The following PRDX3 variants were observed in gnomAD, a reference collection of about 807,000 sequenced individuals.
The protein encoded by PRDX3 is thioredoxin-dependent peroxide reductase, mitochondrial.
Under a neutral mutation model 30.4 loss-of-function variants are expected in PRDX3, and 20 were observed. That is an observed-to-expected ratio of 0.66 (90% CI 0.46 to 0.96). PRDX3 has a LOEUF of 0.96. Ranked by LOEUF, PRDX3 falls within the 40% of genes least tolerant of loss-of-function variation. The probability of loss-of-function intolerance (pLI) is 0.00; values close to 1 mark genes in which losing one functional copy is unlikely to be tolerated. For missense variants in PRDX3, 322 were observed against 318.3 expected, an observed-to-expected ratio of 1.01 and a Z score of -0.09; for synonymous variants, 124 against 117.8, an observed-to-expected ratio of 1.05 and a Z score of -0.34.
At chr10:119,178,164 G>C (rs909059569) in intron 1 of PRDX3, among the ~76,000 whole-genome samples, 5 of 152,054 alleles carry the variant, frequency 3.3e-5, no homozygotes, top group African/African-American at 4.8e-5. Context: ...CACTCTGCCG[G>C]TTTGCTCAAC....
chr10:119,174,631 G>C lies in PRDX3; in HGVS notation c.170-39C>G, dbSNP rs750812234. ...CACACTCATATGGAGTTCATCATTTGCTATGTCAAGCACCTATGATTTTAT... is the reference window on the plus strand; with the variant it reads ...CACACTCATATGGAGTTCATCATTTCCTATGTCAAGCACCTATGATTTTAT... On this transcript the variant is annotated intron_variant, in intron 2 of 6. Coordinates refer to ENST00000298510, the MANE Select transcript of PRDX3 (RefSeq NM_006793.5). The C allele has an allele frequency of 5.9e-6, 9 of 1,530,878 alleles. No homozygotes were observed. In the African/African-American group the frequency reaches 7.0e-5, roughly 12 times the overall value. 94.8% of individuals were successfully genotyped at this position (1,530,878 alleles called of 1,614,324 possible).
chr10:119,168,578 A>G (rs781138409), intron 6 of PRDX3, 45 bp from the exon 7 acceptor site: 5 of 1,607,666 alleles, frequency 3.1e-6, no homozygotes, highest in African/African-American at 2.7e-5. Flanking sequence ...CTTTACCATA[A>G]TAATAGTCCC....
chr10:119,177,304 T>G (rs1033756130), intron 1 of PRDX3, 151 bp from the exon 2 acceptor site: 18 of 713,394 alleles, frequency 2.5e-5, no homozygotes, highest in Middle Eastern at 3.9e-4. Context: ...GATCTGCATG[T>G]TCTTAACACT....
At chr10:119,178,114 C>T (rs1031613025) in intron 1 of PRDX3, among the ~76,000 whole-genome samples, 7 of 151,960 alleles carry the variant, frequency 4.6e-5, no homozygotes, top group Non-Finnish European at 1.0e-4. Flanking sequence ...CTGCCCGCCT[C>T]GGCCTCCCAA....
chr10:119,176,172 A>G (rs1848021417), intron 2 of PRDX3, among the ~76,000 whole-genome samples: 1 of 152,136 alleles, frequency 6.6e-6, no homozygotes. Context: ...TCAAAACTGA[A>G]AAGGACTTGC....
At chr10:119,178,575 G>A (rs764654675) in intron 1 of PRDX3, among the ~76,000 whole-genome samples, 180 bp downstream of exon 1, 27 of 152,264 alleles carry the variant, frequency 1.8e-4, no homozygotes, top group South Asian at 4.1e-4. Context: ...AGTGGGGAAG[G>A]GCGGTTCTGC....
At chr10:119,177,618 T>C (rs1344574856) in intron 1 of PRDX3, among the ~76,000 whole-genome samples, 16 of 146,394 alleles carry the variant, frequency 1.1e-4, no homozygotes, top group African/African-American at 2.6e-5. Context: ...GATCGCGCCA[T>C]TGCACTCTAA....
intron 5 of PRDX3, chr10:119,169,728 C>T (rs938038658): frequency 1.3e-5 from 2 of 156,834 alleles, no homozygotes; most frequent in Non-Finnish European, 2.8e-5. Context: ...TGGGAAGAGA[C>T]AGAGGTGTAT....
At chr10:119,169,391 AAC>A in intron 5 of PRDX3, 49 bp from the exon 6 acceptor site, 1 of 1,494,716 alleles carries the variant, frequency 6.7e-7, no homozygotes, top group Non-Finnish European at 9.2e-7. Flanking sequence ...CCAGAACTAG[AAC>A]AGTCTAACTT....
intron 2 of PRDX3, among the ~76,000 whole-genome samples, chr10:119,175,372 T>C (rs970700410): frequency 1.5e-4 from 23 of 152,156 alleles, no homozygotes; most frequent in Admixed American, 6.5e-5. Flanking sequence ...CCTTAAATAC[T>C]AGGCTGCTGG....
At chr10:119,175,973 G>A (rs188587867) in intron 2 of PRDX3, among the ~76,000 whole-genome samples, 4 of 151,592 alleles carry the variant, frequency 2.6e-5, no homozygotes, top group Non-Finnish European at 5.9e-5. Context: ...TAGTAGAGAC[G>A]GGATTTCACC....
At chr10:119,173,972 G>A (rs1362890717) in intron 3 of PRDX3, 100 bp from the exon 4 acceptor site, 1 of 1,261,894 alleles carries the variant, frequency 7.9e-7, no homozygotes, top group Non-Finnish European at 1.1e-6. Flanking sequence ...GGGTAAAAAA[G>A]GCAAAATGGT....
At position 119,178,803 on chromosome 10, in the gene PRDX3, C is replaced by G. The variant is rs1330736220; in HGVS notation, c.-13G>C. On this transcript the variant is annotated 5_prime_UTR_variant, in exon 1 of 7. Coordinates refer to ENST00000298510, the MANE Select transcript of PRDX3 (RefSeq NM_006793.5). ...CAGCAGCCGCCATCTTCAGTGCACT[C>G]GGGCGCCACGGGGCGGGCAGAGACG... is the stretch of plus-strand genomic sequence containing the variant. The G allele has an allele frequency of 6.5e-6, 10 of 1,528,750 alleles. No individual in the cohort carries two copies. In the Admixed American group the frequency reaches 1.4e-4, roughly 21 times the overall value. The allele number at this position is 1,528,750 out of a possible 1,614,324, so 94.7% of individuals were successfully genotyped here.
intron 5 of PRDX3, chr10:119,169,578 C>A (rs528621754): frequency 3.8e-5 from 15 of 399,088 alleles, no homozygotes; most frequent in African/African-American, 3.0e-4. Context: ...AGTATGGTCA[C>A]ACTTACAAGT....
At chr10:119,169,101 T>C (rs1847839767) in intron 6 of PRDX3, 76 bp downstream of exon 6, 3 of 1,510,878 alleles carry the variant, frequency 2.0e-6, no homozygotes, top group South Asian at 2.4e-5. Flanking sequence ...GGGCTCCCTT[T>C]TGTGGATATT....
rs761844887 is a variant in PRDX3 at position 119,173,895 on chromosome 10, C to T, written c.312-23G>A. 1.9e-6 allele frequency: 3 copies of T among 1,583,966 alleles called. No individual in the cohort carries two copies. The Admixed American group carries it at 5.4e-5, about 29-fold the overall frequency. ...GTGCTGGAAAAAAAGGATAGAAATT[C>T]TCATTAGAGCATTTAAAAACAAGGA... On this transcript the variant is annotated intron_variant, in intron 3 of 6. Coordinates refer to ENST00000298510, the MANE Select transcript of PRDX3 (RefSeq NM_006793.5).
intron 2 of PRDX3, among the ~76,000 whole-genome samples, chr10:119,176,609 G>T (rs1319316343): frequency 6.6e-6 from 1 of 152,152 alleles, no homozygotes; most frequent in Non-Finnish European, 1.5e-5. Flanking sequence ...TTCCTAAGTG[G>T]CCAGCTGGGG....
intron 2 of PRDX3, chr10:119,174,899 T>C (rs1304952560): frequency 4.2e-6 from 1 of 236,880 alleles, no homozygotes; most frequent in African/African-American, 2.2e-5. Context: ...ACGACGTAAA[T>C]GCTACGTAAA....
rs1277583541 is a variant in PRDX3 at position 119,177,149 on chromosome 10, G to C, written c.41C>G (p.Ala14Gly). The change falls in exon 2 of 7, where the codon GCC (alanine) becomes GGC (glycine). Residue 14 changes from alanine (A) to glycine (G), a missense_variant. Ala to Gly is a moderately conservative substitution (Grantham distance 60). Coordinates refer to ENST00000298510, the MANE Select transcript of PRDX3 (RefSeq NM_006793.5). Reference protein sequence around the residue: ...AVGRLLRASVARHVSAIPWGI... With the variant: ...AVGRLLRASVGRHVSAIPWGI... The stretch of plus-strand genomic sequence containing the variant: ...CCAAGGAATGGCACTCACATGTCGG[G>C]CAACCTGGAAAGAGAAACTTTTTAT... 1 of 1,612,842 alleles carries C rather than the reference G, an allele frequency of 6.2e-7. No individual in the cohort carries two copies. The highest frequency in any genetic ancestry group is 8.5e-7 in the Non-Finnish European group (1 of 1,179,822).
Sources: allele counts gnomAD v4.1 joint callset (sites outside exome capture counted in the v4.1 genomes callset), GRCh38; gene constraint gnomAD v4.1.1; transcripts MANE v1.5; gene names NCBI Gene and HGNC (gene_info 2026-07-23, HGNC 2026-07-21).